Variants in BABAM1 observed in about 807,000 individuals in gnomAD.
BABAM1 encodes BRISC and BRCA1-A complex member 1.
In BABAM1, 14 loss-of-function variants were observed where a neutral mutation model predicts 34.4. That is an observed-to-expected ratio of 0.41 (90% CI 0.27 to 0.64). The LOEUF (loss-of-function observed/expected upper bound fraction) is 0.64. Ranked by LOEUF, BABAM1 falls within the 30% of genes least tolerant of loss-of-function variation. The pLI is 0.34. For missense variants in BABAM1, 393 were observed against 434.0 expected, an observed-to-expected ratio of 0.91 and a Z score of 0.84; for synonymous variants, 169 against 165.8, an observed-to-expected ratio of 1.02 and a Z score of -0.15.
chr19:17,274,252 G>C, intron 5 of BABAM1, 67 bp downstream of exon 5: 1 of 1,574,502 alleles, frequency 6.4e-7, no homozygotes, highest in Non-Finnish European at 8.7e-7. Flanking sequence ...TGGGGCCCAG[G>C]AAAGTCTAAG....
At position 17,279,086 on chromosome 19, in the gene BABAM1, G is replaced by A. The variant is rs1374797581; in HGVS notation, c.*38G>A. The stretch of plus-strand genomic sequence containing the variant: ...CATCTGCACCTTCTTGTGCAAGGAA[G>A]TCCTTGGCCTAAAGCCTTGGTTCTC... On this transcript the variant is annotated 3_prime_UTR_variant, in exon 9 of 9. Transcript: ENST00000598188. 4.4e-6 allele frequency: 7 copies of A among 1,576,308 alleles called. No individual in the cohort carries two copies. The highest frequency in any genetic ancestry group is 6.0e-6 in the Non-Finnish European group (7 of 1,157,896).
In BABAM1 at chr19:17,278,922, C is replaced by T; in HGVS notation, c.864C>T (p.Ala288=). 6.2e-7 allele frequency: 1 copy of T among 1,613,436 alleles called. No homozygotes were observed. The highest frequency in any genetic ancestry group is 1.1e-5 in the South Asian group (1 of 90,996). ...ATGAGGTGGCACTGGCTGGGCCAGC[C>T]CTGGAGTTGCACAACTGCATGGCGA... ...YKYEVALAGP[A]LELHNCMAKL... Residue 288 remains alanine, a synonymous_variant, in exon 9 of 9, where the codon GCC becomes GCT. Transcript: ENST00000598188.
At chr19:17,273,654 T>G (rs1247451801) in intron 3 of BABAM1, among the ~76,000 whole-genome samples, 1 of 148,336 alleles carries the variant, frequency 6.7e-6, no homozygotes, top group Non-Finnish European at 1.5e-5. Flanking sequence ...ACCTCCGCCT[T>G]CTGGGTTCAA....
chr19:17,275,323 T>C (rs2073895503), intron 5 of BABAM1, among the ~76,000 whole-genome samples: 1 of 151,474 alleles, frequency 6.6e-6, no homozygotes, highest in South Asian at 2.1e-4. Flanking sequence ...GGAGTCTCGC[T>C]CTTGTTGCCC....
intron 2 of BABAM1, among the ~76,000 whole-genome samples, chr19:17,270,261 G>A (rs1053054224): frequency 2.6e-5 from 4 of 152,010 alleles, no homozygotes; most frequent in African/African-American, 9.7e-5. Flanking sequence ...TGTTAGCCAG[G>A]ATGGTCTCCA....
chr19:17,276,484 C>T lies in BABAM1; in HGVS notation c.570-11C>T, dbSNP rs534927439. The stretch of plus-strand genomic sequence containing the variant: ...GGCTGCTCTGACTGCTCCCTCCTCC[C>T]GGGTATGCAGCCAGCAGAAAACTGA... On this transcript the variant is annotated splice_polypyrimidine_tract_variant and intron_variant, in intron 6 of 8. Transcript: ENST00000598188. 8.8e-6 allele frequency: 14 copies of T among 1,587,250 alleles called. No homozygotes were observed. Among genetic ancestry groups the T allele is most frequent in the East Asian group, 4.6e-5 (2 of 43,030 alleles).
chr19:17,273,559 G>GTTTTGTT (rs1396415682), intron 3 of BABAM1, among the ~76,000 whole-genome samples: 1 of 24,614 alleles, frequency 4.1e-5, no homozygotes, highest in East Asian at 4.8e-4. Flanking sequence ...TTTTTTGTTT[G>GTTTTGTT]TTTTGTTTTT....
chr19:17,273,458 G>A (rs3745185), intron 3 of BABAM1, among the ~76,000 whole-genome samples: 54,781 of 151,890 alleles, frequency 0.36, 10,678 homozygotes, highest in Non-Finnish European at 0.44. Flanking sequence ...CTGGGTTTGT[G>A]GCTGAGCTCC....
chr19:17,269,134 C>G, intron 2 of BABAM1, 43 bp downstream of exon 2: 1 of 1,517,334 alleles, frequency 6.6e-7, no homozygotes, highest in Non-Finnish European at 8.8e-7. Flanking sequence ...TGCTAGGGAA[C>G]CTAGCATCTT....
chr19:17,278,166 C>T (rs2073933099), intron 8 of BABAM1, among the ~76,000 whole-genome samples: 3 of 151,966 alleles, frequency 2.0e-5, no homozygotes, highest in Non-Finnish European at 2.9e-5. Context: ...ACAGCGAAAC[C>T]CTGTCTCAAA....
intron 2 of BABAM1, among the ~76,000 whole-genome samples, 187 bp from the exon 3 acceptor site, chr19:17,271,410 T>G (rs1374330984): frequency 6.6e-6 from 1 of 152,234 alleles, no homozygotes; most frequent in African/African-American, 2.4e-5. Context: ...TATTTACTTA[T>G]CTACTTGGAC....
chr19:17,269,137 A>C (rs368691920), intron 2 of BABAM1, 46 bp downstream of exon 2: 177 of 1,511,480 alleles, frequency 1.2e-4, no homozygotes, highest in Admixed American at 1.1e-4. Flanking sequence ...TAGGGAACCT[A>C]GCATCTTGTC....
At position 17,276,829 on chromosome 19, in the gene BABAM1, T is replaced by G; in HGVS notation, c.706T>G (p.Phe236Val). Residue 236 changes from phenylalanine to valine, a missense_variant, in exon 8 of 9, where the codon TTC (phenylalanine) becomes GTC (valine). Phe to Val is a conservative substitution (Grantham distance 50). Transcript: ENST00000598188. ...FSLTEPMKKM[F>V]QCPYFFFDVV... ...TTCTTTACTTCCCCTGCAGAAAATG[T>G]TCCAGTGCCCATATTTCTTCTTTGA... 6.2e-7 allele frequency: 1 copy of G among 1,603,736 alleles called. No homozygotes were observed. The highest frequency in any genetic ancestry group is 8.5e-7 in the Non-Finnish European group (1 of 1,175,052).
chr19:17,271,421 T>C (rs543270099), intron 2 of BABAM1, among the ~76,000 whole-genome samples, 176 bp from the exon 3 acceptor site: 15 of 152,324 alleles, frequency 9.8e-5, no homozygotes, highest in Admixed American at 9.8e-4. Flanking sequence ...CTACTTGGAC[T>C]CCCAGTTCAG....
intron 2 of BABAM1, among the ~76,000 whole-genome samples, chr19:17,270,960 G>A (rs2073834031): frequency 6.6e-6 from 1 of 151,044 alleles, no homozygotes; most frequent in Non-Finnish European, 1.5e-5. Flanking sequence ...AAAGTGCTGG[G>A]ATTCCAGGCA....
At chr19:17,269,727 A>AT (rs1023530092) in intron 2 of BABAM1, among the ~76,000 whole-genome samples, 155 of 137,914 alleles carry the variant, frequency 1.1e-3, no homozygotes, top group African/African-American at 1.3e-3. Context: ...TCTTTGCCCA[A>AT]TTTTTTTTTT....
At position 17,275,878 on chromosome 19, in the gene BABAM1, C is replaced by A. The variant is rs572665549; in HGVS notation, c.569+53C>A. The A allele has an allele frequency of 1.5e-5, 24 of 1,588,220 alleles. No homozygotes were observed. In the African/African-American group the frequency reaches 3.1e-4, roughly 20 times the overall value. ...TCACCTTCAAAGAGAAGGGTCACTT[C>A]TGGGAAAAAGCTCCAAACGGCACAG... On this transcript the variant is annotated intron_variant, in intron 6 of 8. Coordinates refer to ENST00000598188, the MANE Select transcript of BABAM1 (RefSeq NM_014173.4).
At chr19:17,268,201 A>T (rs1186448575) in intron 1 of BABAM1, among the ~76,000 whole-genome samples, 1 of 151,918 alleles carries the variant, frequency 6.6e-6, no homozygotes, top group Non-Finnish European at 1.5e-5. Flanking sequence ...TTCAGTGGCC[A>T]GAGAGCTGGG....
intron 8 of BABAM1, 154 bp downstream of exon 8, chr19:17,277,063 C>T: frequency 1.4e-6 from 1 of 702,516 alleles, no homozygotes; most frequent in South Asian, 1.9e-5. Context: ...CAGCCGTTTC[C>T]CAGTTGTCTG....
Sources: gnomAD v4.1 joint callset for allele counts (sites outside exome capture counted in the v4.1 genomes callset) on GRCh38, gnomAD v4.1.1 for gene constraint, MANE v1.5 for transcripts, NCBI Gene and HGNC (gene_info 2026-07-23, HGNC 2026-07-21) for gene names.